Variants in STOM observed in about 807,000 individuals in gnomAD.
STOM encodes the protein stomatin, also known as erythrocyte band 7 integral membrane protein.
A neutral mutation model predicts 30.6 loss-of-function variants in STOM; 25 were observed. The observed-to-expected ratio is 0.82, with a 90% CI of 0.60 to 1.14. STOM has a LOEUF of 1.14. Among genes scored for constraint, STOM ranks in the 50% most tolerant of loss-of-function variants. The pLI, the probability that STOM is intolerant of heterozygous loss-of-function variation, is 0.00. For synonymous variants in STOM, 118 were observed against 130.8 expected (o/e 0.90, Z 0.67); for missense variants, 292 against 365.2 (o/e 0.80, Z 1.63).
intron 1 of STOM, chr9:121,366,112 T>C (rs1450432296): frequency 1.0e-6 from 1 of 985,034 alleles, no homozygotes; most frequent in East Asian, 1.1e-4. Flanking sequence ...TTCTACTACC[T>C]TACCATAGTG....
intron 2 of STOM, 80 bp from the exon 3 acceptor site, chr9:121,354,753 G>T (rs573516711): frequency 9.5e-7 from 1 of 1,050,524 alleles, no homozygotes; most frequent in South Asian, 1.6e-5. Context: ...ATATATTTCT[G>T]CTCTAAACAG....
At position 121,366,370 on chromosome 9, in the gene STOM, A is replaced by G. The variant is rs568477871; in HGVS notation, c.61+3757T>C. ...ATCAACAAGTGTGTGTCAATAGAAAATTATCTATTGACACACACTTCCTTC... is the reference window on the plus strand; with the variant it reads ...ATCAACAAGTGTGTGTCAATAGAAAGTTATCTATTGACACACACTTCCTTC... On this transcript the variant is annotated intron_variant, in intron 1 of 6. Transcript: ENST00000286713. 69 of 517,646 alleles carry G rather than the reference A, an allele frequency of 1.3e-4. No homozygotes were observed. The South Asian group carries it at 5.3e-3, about 39-fold the overall frequency. The allele number at this position is 517,646 out of a possible 1,614,324, so 32.1% of individuals were successfully genotyped here.
chr9:121,346,316 C>T (rs2064289305), intron 6 of STOM, among the ~76,000 whole-genome samples: 1 of 152,304 alleles, frequency 6.6e-6, no homozygotes, highest in East Asian at 1.9e-4. Flanking sequence ...AGAGCTAACT[C>T]TAAGCAGTTG....
At chr9:121,359,810 T>A (rs2064433087) in intron 1 of STOM, among the ~76,000 whole-genome samples, 1 of 152,202 alleles carries the variant, frequency 6.6e-6, no homozygotes, top group Admixed American at 6.5e-5. Context: ...AATGTTTTCG[T>A]GGTTGAGCAC....
chr9:121,365,059 C>T (rs561706253), intron 1 of STOM, among the ~76,000 whole-genome samples: 54 of 151,924 alleles, frequency 3.6e-4, no homozygotes, highest in South Asian at 8.3e-4. Flanking sequence ...ATGGAAGACA[C>T]TTAGTGTATA....
intron 6 of STOM, among the ~76,000 whole-genome samples, chr9:121,346,328 G>A (rs912483172): frequency 1.3e-5 from 2 of 152,156 alleles, no homozygotes; most frequent in African/African-American, 4.8e-5. Context: ...AAGCAGTTGA[G>A]GGTTGTTACC....
chr9:121,368,588 T>A (rs899596857), intron 1 of STOM, among the ~76,000 whole-genome samples: 6 of 152,178 alleles, frequency 3.9e-5, no homozygotes, highest in Admixed American at 2.0e-4. Flanking sequence ...AATATGGGGA[T>A]AAGAATACCT....
chr9:121,347,829 A>G (rs2064302664), intron 6 of STOM, among the ~76,000 whole-genome samples, 186 bp downstream of exon 6: 1 of 152,192 alleles, frequency 6.6e-6, no homozygotes, highest in African/African-American at 2.4e-5. Context: ...ATCCAAATAC[A>G]CTCAACTGTT....
At chr9:121,357,115 A>C (rs2064399161) in intron 1 of STOM, among the ~76,000 whole-genome samples, 1 of 152,168 alleles carries the variant, frequency 6.6e-6, no homozygotes, top group Admixed American at 6.5e-5. Flanking sequence ...TTTAAAAATT[A>C]CACCTGTAAA....
intron 4 of STOM, 58 bp from the exon 5 acceptor site, chr9:121,349,381 T>A: frequency 7.0e-7 from 1 of 1,432,262 alleles, no homozygotes; most frequent in Non-Finnish European, 9.8e-7. Flanking sequence ...AACATAACTG[T>A]AAGGAATGTT....
rs2064444141 is a variant in STOM at position 121,360,804 on chromosome 9, A to G, written c.62-4648T>C. 2.6e-5 allele frequency among the ~76,000 whole-genome samples: 4 copies of G among 152,304 alleles called. No homozygotes were observed. In the South Asian group the frequency reaches 8.3e-4, roughly 32 times the overall value. On this transcript the variant is annotated intron_variant, in intron 1 of 6. Transcript: ENST00000286713. ...TTTTTTGTGTCAGTTCCCATGTCACATTGTGTTTTTGAGAACCCCAGATGT... is the reference window on the plus strand; with the variant it reads ...TTTTTTGTGTCAGTTCCCATGTCACGTTGTGTTTTTGAGAACCCCAGATGT...
intron 1 of STOM, among the ~76,000 whole-genome samples, chr9:121,356,720 C>T (rs372893118): frequency 7.2e-5 from 11 of 152,040 alleles, no homozygotes; most frequent in African/African-American, 2.4e-4. Context: ...TCGTGGCTCA[C>T]GCCTGTAATC....
In STOM at chr9:121,370,146, C is replaced by T; in HGVS notation, c.42G>A (p.Arg14=). 6.5e-7 allele frequency: 1 copy of T among 1,546,700 alleles called. No individual in the cohort carries two copies. Among genetic ancestry groups the T allele is most frequent in the Non-Finnish European group, 8.7e-7 (1 of 1,146,496 alleles). Residue 14 remains arginine (R), a synonymous_variant, in exon 1 of 7, where the codon CGG becomes CGA. Coordinates refer to ENST00000286713, the MANE Select transcript of STOM (RefSeq NM_004099.6). ...KRHTRDSEAQ[R]LPDSFKDSPS... is the part of the protein sequence containing the mutation. The stretch of plus-strand genomic sequence containing the variant: ...ACTCACCCTTGAAGGAGTCGGGGAG[C>T]CGCTGGGCTTCGGAGTCCCGTGTGT...
At chr9:121,353,882 A>G (rs1238021511) in intron 3 of STOM, among the ~76,000 whole-genome samples, 2 of 152,230 alleles carry the variant, frequency 1.3e-5, no homozygotes, top group African/African-American at 2.4e-5. Flanking sequence ...TGTAACTTCC[A>G]GAAAGCCTTG....
chr9:121,351,791 C>T (rs565634491), intron 4 of STOM, among the ~76,000 whole-genome samples: 37 of 152,314 alleles, frequency 2.4e-4, no homozygotes, highest in African/African-American at 8.7e-4. Context: ...AGGGATTCTG[C>T]CATGAGTTTC....
In STOM at chr9:121,340,079, C is replaced by T. The variant is rs957818898; in HGVS notation, c.*1123G>A. 47 of 974,162 alleles carry T rather than the reference C, an allele frequency of 4.8e-5. No individual in the cohort carries two copies. Among genetic ancestry groups the T allele is most frequent in the Middle Eastern group, 5.3e-4 (1 of 1,896 alleles). The allele number at this position is 974,162 out of a possible 1,614,324, so 60.3% of individuals were successfully genotyped here. A position where few individuals can be genotyped will look rare whatever the true frequency, so the allele number is the denominator to read the frequency against. ...AGATATATAACAATTGCATATAGAA[C>T]GTAGAGAAAATTTTATTAAAAAATT... On this transcript the variant is annotated 3_prime_UTR_variant, in exon 7 of 7. Coordinates refer to ENST00000286713, the MANE Select transcript of STOM (RefSeq NM_004099.6).
intron 1 of STOM, among the ~76,000 whole-genome samples, chr9:121,359,391 T>C (rs1484258459): frequency 6.6e-6 from 1 of 152,202 alleles, no homozygotes; most frequent in Non-Finnish European, 1.5e-5. Context: ...GTAAATGTCT[T>C]CATGTATACT....
At chr9:121,365,194 C>A (rs2064491149) in intron 1 of STOM, among the ~76,000 whole-genome samples, 1 of 151,924 alleles carries the variant, frequency 6.6e-6, no homozygotes, top group Non-Finnish European at 1.5e-5. Flanking sequence ...CAGACAGGAT[C>A]CTGGGATACA....
chr9:121,342,484 T>A (rs1164745190), intron 6 of STOM, among the ~76,000 whole-genome samples: 3 of 152,134 alleles, frequency 2.0e-5, no homozygotes, highest in Non-Finnish European at 4.4e-5. Context: ...ACTAAATATG[T>A]TGCAGTATGT....
Sources: allele counts gnomAD v4.1 joint callset (sites outside exome capture counted in the v4.1 genomes callset), GRCh38; gene constraint gnomAD v4.1.1; transcripts MANE v1.5; gene names NCBI Gene and HGNC (gene_info 2026-07-23, HGNC 2026-07-21).